LPP: variants seen among roughly 807,000 people sequenced by gnomAD.
LPP encodes lipoma-preferred partner.
A neutral mutation model predicts 60.4 loss-of-function variants in LPP; 38 were observed. That is an observed-to-expected ratio of 0.63 (90% CI 0.49 to 0.83). The LOEUF (loss-of-function observed/expected upper bound fraction) is 0.83. LPP is among the 40% of genes least tolerant of loss of function. The pLI, the probability that LPP is intolerant of heterozygous loss-of-function variation, is 0.00. For synonymous variants in LPP, 328 were observed against 290.8 expected, an observed-to-expected ratio of 1.13 and a Z score of -1.30; for missense variants, 902 against 783.6, an observed-to-expected ratio of 1.15 and a Z score of -1.80.
chr3:188,720,326 A>G (rs1187184419), intron 8 of LPP, among the ~76,000 whole-genome samples: 1 of 152,224 alleles, frequency 6.6e-6, no homozygotes, highest in East Asian at 1.9e-4. Flanking sequence ...ATAATGGCCA[A>G]GGAGAGAAAG....
intron 5 of LPP, among the ~76,000 whole-genome samples, chr3:188,522,781 TGAAATATA>T (rs1171216781): frequency 1.8e-5 from 1 of 57,036 alleles, no homozygotes; most frequent in African/African-American, 5.9e-5. Context: ...TGTGATAATA[TGAAATATA>T]TATATATATA....
At chr3:188,384,940 A>ATGAGATGGTGT (rs1349663777) in intron 3 of LPP, among the ~76,000 whole-genome samples, 3 of 151,920 alleles carry the variant, frequency 2.0e-5, no homozygotes, top group African/African-American at 7.3e-5. Flanking sequence ...TATGGGTCAA[A>ATGAGATGGTGT]TGAGATGGTG....
At chr3:188,493,584 A>G (rs1809022798) in intron 5 of LPP, among the ~76,000 whole-genome samples, 1 of 151,898 alleles carries the variant, frequency 6.6e-6, no homozygotes, top group Non-Finnish European at 1.5e-5. Flanking sequence ...GTGTACCACC[A>G]TGCCCAGCTA....
intron 7 of LPP, among the ~76,000 whole-genome samples, chr3:188,675,271 C>T (rs1175844114): frequency 2.0e-5 from 3 of 152,166 alleles, no homozygotes; most frequent in African/African-American, 7.2e-5. Flanking sequence ...GAAGTTCTCA[C>T]AGACAGAATG....
At chr3:188,713,498 T>A (rs1712497132) in intron 8 of LPP, among the ~76,000 whole-genome samples, 2 of 152,194 alleles carry the variant, frequency 1.3e-5, no homozygotes, top group South Asian at 4.1e-4. Flanking sequence ...TTAATGGTGT[T>A]GTGATTATGT....
Position 188,719,659 on chromosome 3 carries a change from G to GTGCAGAAGA in LPP, c.1240+11269_1240+11270insAGAAGATGC, listed in dbSNP as rs1333250453. 3.1e-4 allele frequency among the ~76,000 whole-genome samples: 47 copies of GTGCAGAAGA among 152,260 alleles called. No homozygotes were observed. The East Asian group carries it at 3.9e-3, about 13-fold the overall frequency. On this transcript the variant is annotated intron_variant, in intron 8 of 11. Coordinates refer to ENST00000617246, the MANE Select transcript of LPP (RefSeq NM_001375462.1). ...TTGGTACTGGTACCTGAACCTGCAA[G>GTGCAGAAGA]TGCTAATTATGCATCTTCTGGTATT...
chr3:188,625,735 A>T (rs1042180267), intron 7 of LPP, among the ~76,000 whole-genome samples: 4 of 152,196 alleles, frequency 2.6e-5, no homozygotes, highest in African/African-American at 9.6e-5. Context: ...AAACTGAATA[A>T]GAGACCTGGA....
intron 1 of LPP, among the ~76,000 whole-genome samples, chr3:188,212,265 T>C (rs1282488307): frequency 6.6e-6 from 1 of 152,204 alleles, no homozygotes; most frequent in Non-Finnish European, 1.5e-5. Context: ...ACCAAATTAA[T>C]GATTTATTTC....
chr3:188,448,448 C>T (rs1277966435), intron 4 of LPP, among the ~76,000 whole-genome samples: 1 of 147,192 alleles, frequency 6.8e-6, no homozygotes, highest in East Asian at 2.0e-4. Flanking sequence ...ATTTAGATAT[C>T]TATATTTAGA....
At chr3:188,288,305 AACGGGTAGTAACGTCCC>A (rs1295890968) in intron 2 of LPP, among the ~76,000 whole-genome samples, 1 of 152,208 alleles carries the variant, frequency 6.6e-6, no homozygotes, top group African/African-American at 2.4e-5. Context: ...CATTGGAACA[AACGGGTAGTAACGTCCC>A]TTTATGCTTG....
chr3:188,494,121 C>G (rs60069152), intron 5 of LPP, among the ~76,000 whole-genome samples: 25,448 of 152,078 alleles, frequency 0.17, 2,293 homozygotes, highest in Middle Eastern at 0.2. Flanking sequence ...GTTCAGTCTT[C>G]AACCATATAT....
chr3:188,287,524 G>A (rs1052801440), intron 2 of LPP, among the ~76,000 whole-genome samples: 1 of 152,190 alleles, frequency 6.6e-6, no homozygotes, highest in Admixed American at 6.5e-5. Context: ...TTTGACAAAT[G>A]GTTCTCGTTG....
intron 1 of LPP, among the ~76,000 whole-genome samples, chr3:188,198,852 C>T (rs553630329): frequency 6.6e-6 from 1 of 152,226 alleles, no homozygotes; most frequent in South Asian, 2.1e-4. Flanking sequence ...AGAGCAGGCA[C>T]CAGGTGAAGG....
At chr3:188,378,801 C>T (rs550497772) in intron 3 of LPP, among the ~76,000 whole-genome samples, 13 of 152,236 alleles carry the variant, frequency 8.5e-5, no homozygotes, top group African/African-American at 2.7e-4. Flanking sequence ...TCTTCTGCGT[C>T]GCTCCCTCTG....
intron 7 of LPP, among the ~76,000 whole-genome samples, chr3:188,669,523 C>T (rs1374448935): frequency 3.3e-5 from 5 of 152,058 alleles, no homozygotes; most frequent in Non-Finnish European, 7.4e-5. Flanking sequence ...TTGCAGTGAG[C>T]CGAGATCGCA....
At chr3:188,200,618 C>G (rs1425229941) in intron 1 of LPP, among the ~76,000 whole-genome samples, 2 of 152,132 alleles carry the variant, frequency 1.3e-5, no homozygotes, top group Non-Finnish European at 2.9e-5. Context: ...TATTGCTTGC[C>G]AGTAGAAATA....
intron 5 of LPP, among the ~76,000 whole-genome samples, chr3:188,488,513 G>A (rs1807304169): frequency 6.6e-6 from 1 of 152,106 alleles, no homozygotes. Context: ...TTCATTCAGT[G>A]TAAATTGAAT....
At chr3:188,310,195 A>T (rs1752939370) in intron 2 of LPP, among the ~76,000 whole-genome samples, 1 of 150,152 alleles carries the variant, frequency 6.7e-6, no homozygotes. Context: ...GGATAGAGTG[A>T]GTTTTTGTTA....
rs1179431913 is a variant in LPP, at chr3:188,876,750, A to G, written c.*2271A>G. ...TCATATTATTATTAATTTTGCCAAA[A>G]GAAGAAGAATTTATTGAATATTTAT... is the stretch of plus-strand genomic sequence containing the variant. On this transcript the variant is annotated 3_prime_UTR_variant, in exon 12 of 12. Transcript: ENST00000617246. 2 of 186,692 alleles carry G rather than the reference A, an allele frequency of 1.1e-5. No homozygotes were observed. Among genetic ancestry groups the G allele is most frequent in the Non-Finnish European group, 2.3e-5 (2 of 88,246 alleles). The allele number at this position is 186,692 out of a possible 1,614,324, so 11.6% of individuals were successfully genotyped here.
Sources: allele counts gnomAD v4.1 joint callset (sites outside exome capture counted in the v4.1 genomes callset), GRCh38; gene constraint gnomAD v4.1.1; transcripts MANE v1.5; gene names NCBI Gene and HGNC (gene_info 2026-07-23, HGNC 2026-07-21).